Variants in GRIP1 observed in about 807,000 individuals in gnomAD.
The protein encoded by GRIP1 is glutamate receptor interacting protein 1, also known as glutamate receptor-interacting protein 1.
In GRIP1, 45 loss-of-function variants were observed where a neutral mutation model predicts 129.9. The ratio of observed to expected loss-of-function variants is 0.35; its 90% CI spans 0.27 to 0.44. The LOEUF (loss-of-function observed/expected upper bound fraction) is 0.44, where lower values mean the gene tolerates loss of function less well. Ranked by LOEUF, GRIP1 falls within the 20% of genes least tolerant of loss-of-function variation. GRIP1 has a pLI of 1.00. For missense variants in GRIP1, 1,196 were observed against 1,396.8 expected (o/e 0.86, Z 2.29); for synonymous variants, 530 against 520.8 (o/e 1.02, Z -0.24).
At chr12:66,545,649 C>T (rs372838280) in intron 2 of GRIP1, among the ~76,000 whole-genome samples, 1 of 152,308 alleles carries the variant, frequency 6.6e-6, no homozygotes. Flanking sequence ...TGAGCACTTA[C>T]TATGTGCCAG....
chr12:66,351,593 C>A (rs7967591), intron 24 of GRIP1, among the ~76,000 whole-genome samples: 1 of 147,530 alleles, frequency 6.8e-6, no homozygotes, highest in Non-Finnish European at 1.5e-5. Flanking sequence ...CACTCTGCAC[C>A]CAGGCTGGAG....
At chr12:66,650,855 C>T (rs1170196686) in intron 1 of GRIP1, among the ~76,000 whole-genome samples, 3 of 152,190 alleles carry the variant, frequency 2.0e-5, no homozygotes, top group Admixed American at 6.5e-5. Flanking sequence ...CTGGCTCTGA[C>T]ACCACACTGA....
intron 1 of GRIP1, among the ~76,000 whole-genome samples, chr12:66,709,618 G>A (rs2035648726): frequency 6.6e-6 from 1 of 151,804 alleles, no homozygotes; most frequent in Admixed American, 6.6e-5. Flanking sequence ...AGTGAACACT[G>A]GGGAAAGGGT....
intron 1 of GRIP1, among the ~76,000 whole-genome samples, chr12:66,783,220 A>C (rs2038214912): frequency 2.6e-5 from 4 of 152,084 alleles, no homozygotes; most frequent in Admixed American, 6.5e-5. Flanking sequence ...TTTAGTAGAG[A>C]CATGTGTTTT....
chr12:67,054,762 GAA>G (rs113633004), intron 1 of GRIP1, among the ~76,000 whole-genome samples: 5 of 120,018 alleles, frequency 4.2e-5, no homozygotes, highest in Non-Finnish European at 5.4e-5. Flanking sequence ...AGACAGTATT[GAA>G]AAAAAAAAAA....
chr12:66,740,098 C>A (rs909784208), intron 1 of GRIP1, among the ~76,000 whole-genome samples: 4 of 152,152 alleles, frequency 2.6e-5, no homozygotes, highest in Non-Finnish European at 1.5e-5. Flanking sequence ...AGGAGAGCCT[C>A]AGATAGAGCT....
chr12:66,578,871 T>A (rs1316808264), intron 2 of GRIP1, among the ~76,000 whole-genome samples: 1 of 152,110 alleles, frequency 6.6e-6, no homozygotes, highest in Non-Finnish European at 1.5e-5. Context: ...TCTGCAGACT[T>A]AAATCTCCCT....
intron 14 of GRIP1, among the ~76,000 whole-genome samples, chr12:66,423,203 G>A (rs1293116472): frequency 6.6e-6 from 1 of 152,186 alleles, no homozygotes; most frequent in Non-Finnish European, 1.5e-5. Context: ...AGCTATATGT[G>A]CTTGAGCACA....
At chr12:66,617,591 C>T (rs572089948) in intron 1 of GRIP1, among the ~76,000 whole-genome samples, 1 of 151,802 alleles carries the variant, frequency 6.6e-6, no homozygotes, top group African/African-American at 2.4e-5. Flanking sequence ...GGACATATTC[C>T]AAGAGTCTGG....
At chr12:66,423,120 T>C (rs999850716) in intron 14 of GRIP1, among the ~76,000 whole-genome samples, 4 of 152,198 alleles carry the variant, frequency 2.6e-5, no homozygotes, top group African/African-American at 9.7e-5. Flanking sequence ...ATGGGCAATA[T>C]GGTGTCATGA....
intron 1 of GRIP1, among the ~76,000 whole-genome samples, chr12:66,861,956 C>T (rs1022682670): frequency 2.6e-5 from 4 of 151,970 alleles, no homozygotes; most frequent in African/African-American, 9.7e-5. Context: ...CAATTTCCTA[C>T]CTGAATTAGT....
intron 7 of GRIP1, among the ~76,000 whole-genome samples, chr12:66,495,728 A>C (rs972682542): frequency 1.1e-4 from 17 of 152,182 alleles, no homozygotes; most frequent in Middle Eastern, 3.4e-3. Flanking sequence ...TGGAGAGTTA[A>C]ATGTAAGGGA....
chr12:66,603,702 G>A (rs1025718851), intron 1 of GRIP1, among the ~76,000 whole-genome samples: 1 of 152,188 alleles, frequency 6.6e-6, no homozygotes, highest in Non-Finnish European at 1.5e-5. Context: ...GTATCCCCAG[G>A]CCTGCAATGA....
chr12:66,415,840 G>T (rs1475432079), intron 15 of GRIP1, among the ~76,000 whole-genome samples: 1 of 152,136 alleles, frequency 6.6e-6, no homozygotes, highest in Non-Finnish European at 1.5e-5. Flanking sequence ...AACACTGCAT[G>T]TTGTCACTTA....
At chr12:66,939,831 A>G (rs1022235494) in intron 1 of GRIP1, among the ~76,000 whole-genome samples, 2 of 152,222 alleles carry the variant, frequency 1.3e-5, no homozygotes, top group Non-Finnish European at 2.9e-5. Context: ...CAAATATACC[A>G]GTATACATTC....
chr12:66,390,843 T>TGG (rs2056556632), intron 19 of GRIP1, among the ~76,000 whole-genome samples: 1 of 152,194 alleles, frequency 6.6e-6, no homozygotes, highest in Admixed American at 6.5e-5. Flanking sequence ...AATCAGAAGG[T>TGG]CTGTTATTTG....
At chr12:66,750,180 CT>C in intron 1 of GRIP1, among the ~76,000 whole-genome samples, 1 of 152,246 alleles carries the variant, frequency 6.6e-6, no homozygotes, top group African/African-American at 2.4e-5. Flanking sequence ...AAAATTCCAC[CT>C]GTCAAGCATT....
chr12:66,488,777 A>G (rs1365410144), intron 7 of GRIP1, among the ~76,000 whole-genome samples: 2 of 152,170 alleles, frequency 1.3e-5, no homozygotes, highest in Admixed American at 6.5e-5. Flanking sequence ...ATCAGAAATG[A>G]TAAGGGTGAT....
intron 1 of GRIP1, among the ~76,000 whole-genome samples, chr12:66,616,100 T>G (rs1485549841): frequency 6.6e-6 from 1 of 152,164 alleles, no homozygotes; most frequent in Non-Finnish European, 1.5e-5. Flanking sequence ...TAAATATCAC[T>G]TCCAGAGAAT....
Sources: allele counts gnomAD v4.1 joint callset (sites outside exome capture counted in the v4.1 genomes callset), GRCh38; gene constraint gnomAD v4.1.1; transcripts MANE v1.5; gene names NCBI Gene and HGNC (gene_info 2026-07-23, HGNC 2026-07-21).